KANSL1: variants seen among roughly 807,000 people sequenced by gnomAD.
KANSL1 encodes the protein KAT8 regulatory NSL complex subunit 1.
A neutral mutation model predicts 103.6 loss-of-function variants in KANSL1; 22 were observed. The observed-to-expected ratio is 0.21, with a 90% confidence interval of 0.15 to 0.30. KANSL1 has a LOEUF of 0.30. KANSL1 is among the 10% of genes least tolerant of loss of function. The pLI is 1.00. For missense variants in KANSL1, 1,337 were observed against 1,399.8 expected (o/e 0.96, Z 0.72); for synonymous variants, 600 against 527.6 (o/e 1.14, Z -1.88).
chr17:46,095,010 T>C (rs781048431), intron 2 of KANSL1, among the ~76,000 whole-genome samples: 1 of 152,204 alleles, frequency 6.6e-6, no homozygotes, highest in African/African-American at 2.4e-5. Context: ...AAATAAAACA[T>C]ACATTAAGAA....
chr17:46,143,527 G>A (rs986894517), intron 2 of KANSL1, among the ~76,000 whole-genome samples: 3 of 151,378 alleles, frequency 2.0e-5, no homozygotes, highest in East Asian at 2.0e-4. Flanking sequence ...TAAAAAGGCC[G>A]GGCACAGTGG....
intron 2 of KANSL1, among the ~76,000 whole-genome samples, chr17:46,109,894 G>A (rs532093381): frequency 6.6e-6 from 1 of 152,280 alleles, no homozygotes; most frequent in Admixed American, 6.5e-5. Flanking sequence ...AGGAACCAGA[G>A]ACCCAAGTAC....
intron 3 of KANSL1, among the ~76,000 whole-genome samples, chr17:46,083,461 C>G (rs2079052387): frequency 6.6e-6 from 1 of 152,140 alleles, no homozygotes; most frequent in African/African-American, 2.4e-5. Flanking sequence ...TCAAACTATA[C>G]TGGCTTAGGT....
At chr17:46,184,837 C>CTTT (rs66507225) in intron 1 of KANSL1, among the ~76,000 whole-genome samples, 111 of 128,238 alleles carry the variant, frequency 8.7e-4, no homozygotes, top group Non-Finnish European at 1.2e-3. Context: ...AGAGTATGTA[C>CTTT]TTTTTTTTTT....
chr17:46,147,505 C>T (rs1158613063), intron 2 of KANSL1, among the ~76,000 whole-genome samples: 2 of 144,466 alleles, frequency 1.4e-5, no homozygotes, highest in African/African-American at 5.2e-5. Flanking sequence ...GACTAGGAGG[C>T]AGAGGGTGTA....
At chr17:46,128,393 G>A (rs1330394127) in intron 2 of KANSL1, among the ~76,000 whole-genome samples, 2 of 152,088 alleles carry the variant, frequency 1.3e-5, no homozygotes, top group Non-Finnish European at 2.9e-5. Flanking sequence ...ACAAGGCAAA[G>A]CCCCTAACAG....
At chr17:46,175,020 T>C (rs990577959) in intron 1 of KANSL1, among the ~76,000 whole-genome samples, 2 of 152,226 alleles carry the variant, frequency 1.3e-5, no homozygotes, top group East Asian at 1.9e-4. Context: ...TTATTTGCTG[T>C]TCTCAACAAA....
At chr17:46,063,815 T>G (rs2078265040) in intron 6 of KANSL1, among the ~76,000 whole-genome samples, 1 of 151,524 alleles carries the variant, frequency 6.6e-6, no homozygotes, top group Non-Finnish European at 1.5e-5. Flanking sequence ...AGAAAATTTT[T>G]ATACGACTCC....
rs57566816 is a variant in KANSL1, at chr17:46,189,031, C to CAAAAAAAAAAAAA, written c.-90+3779_-90+3791dup. ...CTGGGCAACAGAGCAAAGATTGTCT[C>CAAAAAAAAAAAAA]AAAAAAAAAAAAAAAAAAAAAAAAA... On this transcript the variant is annotated intron_variant, in intron 1 of 14. Transcript: ENST00000432791. Among the ~76,000 whole-genome samples the CAAAAAAAAAAAAA allele has an allele frequency of 5.0e-4, 31 of 62,378 alleles. 3 individuals are homozygous for CAAAAAAAAAAAAA. Among genetic ancestry groups the CAAAAAAAAAAAAA allele is most frequent in the African/African-American group, 1.2e-3 (12 of 10,118 alleles). 40.9% of individuals were successfully genotyped at this position (62,378 alleles called of 152,430 possible). A position where few individuals can be genotyped will look rare whatever the true frequency, so the allele number is the denominator to read the frequency against.
Position 46,171,438 on chromosome 17 carries a change from A to G in KANSL1, c.706T>C (p.Ser236Pro), listed in dbSNP as rs747832991. The part of the protein sequence containing the change: ...NSTANKSSVN[S>P]MEQPALQGSS... The stretch of plus-strand genomic sequence containing the variant: ...CCTTGAAGTGCCGGCTGTTCCATGG[A>G]ATTGACAGAGGATTTGTTTGCAGTG... The change falls in exon 2 of 15, where the codon TCC becomes CCC. Residue 236 changes from serine to proline, a missense_variant. Transcript: ENST00000432791. 7 of 1,614,036 alleles carry G rather than the reference A, an allele frequency of 4.3e-6. No homozygotes were observed. The Admixed American group carries it at 1.0e-4, about 23-fold the overall frequency.
intron 2 of KANSL1, among the ~76,000 whole-genome samples, chr17:46,103,327 C>T (rs979341430): frequency 7.2e-5 from 11 of 152,180 alleles, no homozygotes; most frequent in Admixed American, 2.0e-4. Flanking sequence ...GCGAATCCTA[C>T]CTCATCTATA....
At chr17:46,065,721 A>G (rs755607920) in intron 6 of KANSL1, among the ~76,000 whole-genome samples, 1 of 152,236 alleles carries the variant, frequency 6.6e-6, no homozygotes, top group Non-Finnish European at 1.5e-5. Context: ...TTACTGGAAT[A>G]TTATTATCTC....
At chr17:46,142,550 A>G (rs536824466) in intron 2 of KANSL1, among the ~76,000 whole-genome samples, 51 of 152,360 alleles carry the variant, frequency 3.3e-4, no homozygotes, top group African/African-American at 1.1e-3. Flanking sequence ...TTGAAGCTGC[A>G]GCAAGCTACG....
intron 1 of KANSL1, among the ~76,000 whole-genome samples, chr17:46,207,690 T>G (rs1481296299): frequency 6.6e-6 from 1 of 152,192 alleles, no homozygotes; most frequent in Non-Finnish European, 1.5e-5. Flanking sequence ...TGAAAAGATC[T>G]CATCAGGTTG....
intron 3 of KANSL1, among the ~76,000 whole-genome samples, chr17:46,092,715 T>TGGGGG (rs71138524): frequency 1.9e-4 from 4 of 21,610 alleles, no homozygotes; most frequent in Non-Finnish European, 2.1e-4. Context: ...TTTTTTTTTT[T>TGGGGG]GGGGGGGGGG....
At chr17:46,175,777 G>A (rs1242434455) in intron 1 of KANSL1, among the ~76,000 whole-genome samples, 1 of 152,140 alleles carries the variant, frequency 6.6e-6, no homozygotes, top group East Asian at 1.9e-4. Context: ...GGCATTCTGT[G>A]TGGCACAAAT....
intron 3 of KANSL1, among the ~76,000 whole-genome samples, chr17:46,083,354 G>T (rs894922840): frequency 6.6e-6 from 1 of 152,018 alleles, no homozygotes. Flanking sequence ...AGTGATCAGG[G>T]TTCCCAATCT....
In KANSL1 at chr17:46,039,231, GA is replaced by G; in HGVS notation, c.2204-17del. On this transcript the variant is annotated splice_polypyrimidine_tract_variant and intron_variant, in intron 8 of 14. Transcript: ENST00000432791. ...TGGGACAGCTCTGAAGAGGGGAACAGAAAAAGAGCTGTGAAATATGTCCTCT... is the reference window on the plus strand; with the variant it reads ...TGGGACAGCTCTGAAGAGGGGAACAGAAAAGAGCTGTGAAATATGTCCTCT... The G allele has an allele frequency of 6.5e-7, 1 of 1,543,422 alleles. No homozygotes were observed. Among genetic ancestry groups the G allele is most frequent in the Non-Finnish European group, 8.7e-7 (1 of 1,150,724 alleles).
chr17:46,068,639 A>G (rs1417683308), intron 4 of KANSL1, among the ~76,000 whole-genome samples: 1 of 152,052 alleles, frequency 6.6e-6, no homozygotes, highest in East Asian at 1.9e-4. Flanking sequence ...ATAAAATCTC[A>G]ATGAATCTAA....
Sources: allele counts gnomAD v4.1 joint callset (sites outside exome capture counted in the v4.1 genomes callset), GRCh38; gene constraint gnomAD v4.1.1; transcripts MANE v1.5; gene names NCBI Gene and HGNC (gene_info 2026-07-23, HGNC 2026-07-21).